TAFA2: variants seen among roughly 807,000 people sequenced by gnomAD.
TAFA2 encodes the protein TAFA chemokine like family member 2, also known as chemokine-like protein TAFA-2.
A neutral mutation model predicts 18.8 loss-of-function variants in TAFA2; 7 were observed. That is an observed-to-expected ratio of 0.37 (90% confidence interval 0.21 to 0.70). The LOEUF is 0.70. Ranked by LOEUF, TAFA2 falls within the 30% of genes least tolerant of loss-of-function variation. TAFA2 has a pLI of 0.53. For missense variants in TAFA2, 122 were observed against 158.1 expected (o/e 0.77, Z 1.23); for synonymous variants, 60 against 54.2 (o/e 1.11, Z -0.47).
chr12:62,165,110 C>A (rs147852152), intron 1 of TAFA2, among the ~76,000 whole-genome samples: 1 of 151,986 alleles, frequency 6.6e-6, no homozygotes, highest in Non-Finnish European at 1.5e-5. Context: ...ATACAGAGGG[C>A]GAGACTTCAC....
At chr12:62,143,377 A>T (rs956130575) in intron 1 of TAFA2, among the ~76,000 whole-genome samples, 7 of 152,246 alleles carry the variant, frequency 4.6e-5, no homozygotes, top group African/African-American at 1.7e-4. Flanking sequence ...GCCATGCCTG[A>T]TCTACAAAGT....
At chr12:61,878,293 T>C (rs1592454942) in intron 1 of TAFA2, among the ~76,000 whole-genome samples, 1 of 152,186 alleles carries the variant, frequency 6.6e-6, no homozygotes, top group South Asian at 2.1e-4. Context: ...ATGGCTACAA[T>C]GGTAAACTTT....
At chr12:62,041,282 G>A (rs1881750228) in intron 1 of TAFA2, among the ~76,000 whole-genome samples, 1 of 151,980 alleles carries the variant, frequency 6.6e-6, no homozygotes, top group South Asian at 2.1e-4. Flanking sequence ...AGATCAGAGA[G>A]CTTTGAAAAA....
chr12:61,715,474 G>A (rs923842909), intron 4 of TAFA2, among the ~76,000 whole-genome samples: 22 of 151,804 alleles, frequency 1.4e-4, no homozygotes, highest in East Asian at 3.9e-4. Context: ...TCAGCCTCCC[G>A]AGTAGCTGGG....
chr12:61,897,642 CT>C (rs1488069146), intron 1 of TAFA2, among the ~76,000 whole-genome samples: 1 of 152,152 alleles, frequency 6.6e-6, no homozygotes, highest in Non-Finnish European at 1.5e-5. Context: ...ATAGGGTAAA[CT>C]TTCCCCATGA....
chr12:61,941,612 G>A (rs1015397474), intron 1 of TAFA2, among the ~76,000 whole-genome samples: 7 of 151,688 alleles, frequency 4.6e-5, no homozygotes, highest in Non-Finnish European at 8.8e-5. Context: ...TGCGTGAGCC[G>A]AAGCAGGGCG....
At chr12:61,935,986 C>T (rs537760603) in intron 1 of TAFA2, among the ~76,000 whole-genome samples, 9 of 152,136 alleles carry the variant, frequency 5.9e-5, no homozygotes, top group African/African-American at 2.2e-4. Flanking sequence ...AAGAGAGAAT[C>T]CTCCCTAAAT....
rs57085801 is a variant in TAFA2, at chr12:61,729,033, AT to A, written c.385-18617del. Among the ~76,000 whole-genome samples the A allele has an allele frequency of 3.7e-4, 55 of 149,868 alleles. No individual in the cohort carries two copies. The South Asian group carries it at 4.8e-3, about 13-fold the overall frequency. On this transcript the variant is annotated intron_variant, in intron 4 of 4. Transcript: ENST00000416284. The stretch of plus-strand genomic sequence containing the variant: ...TCACTGAATACAAAATTCTTGGCTG[AT>A]TTTTTTTTTCATTTAAGAAGGCTAA...
intron 1 of TAFA2, among the ~76,000 whole-genome samples, chr12:62,168,075 CTG>C (rs1338312845): frequency 6.6e-6 from 1 of 152,068 alleles, no homozygotes; most frequent in Non-Finnish European, 1.5e-5. Flanking sequence ...TTGTGTGTGT[CTG>C]TGTGTGTGCA....
At chr12:62,028,189 T>A (rs1478799914) in intron 1 of TAFA2, among the ~76,000 whole-genome samples, 1 of 152,180 alleles carries the variant, frequency 6.6e-6, no homozygotes, top group African/African-American at 2.4e-5. Flanking sequence ...TCAAGGAATG[T>A]ATCCAAAGGC....
chr12:61,974,579 G>A (rs1339272862), intron 1 of TAFA2, among the ~76,000 whole-genome samples: 1 of 151,772 alleles, frequency 6.6e-6, no homozygotes, highest in Non-Finnish European at 1.5e-5. Context: ...AGTATAATTA[G>A]ATGTGCTGTC....
At chr12:61,835,102 C>A (rs946289344) in intron 2 of TAFA2, among the ~76,000 whole-genome samples, 10 of 149,872 alleles carry the variant, frequency 6.7e-5, no homozygotes, top group Admixed American at 3.4e-4. Context: ...GGGAAAAAAA[C>A]ATTTCGATTT....
chr12:61,948,977 T>C (rs953204214), intron 1 of TAFA2, among the ~76,000 whole-genome samples: 1 of 152,188 alleles, frequency 6.6e-6, no homozygotes, highest in Non-Finnish European at 1.5e-5. Context: ...TTTACCATCA[T>C]TTATTGCTTA....
chr12:62,100,369 C>T (rs1869142543), intron 1 of TAFA2, among the ~76,000 whole-genome samples: 1 of 152,044 alleles, frequency 6.6e-6, no homozygotes, highest in Admixed American at 6.6e-5. Flanking sequence ...CATTTACATC[C>T]CAAAGGACTG....
chr12:61,889,154 A>G (rs1231839229), intron 1 of TAFA2, among the ~76,000 whole-genome samples: 1 of 152,194 alleles, frequency 6.6e-6, no homozygotes, highest in South Asian at 2.1e-4. Context: ...GCTAACACAC[A>G]TGATGCACTT....
rs183206498 is a variant in TAFA2 at position 62,147,661 on chromosome 12, C to T, written c.-2+43598G>A. ...AGGAGAATGGGGTGAACCCGGGAGG[C>T]GGAGCTTGCAGTGAGCCAAGATCCC... On this transcript the variant is annotated intron_variant, in intron 1 of 4. Transcript: ENST00000416284. Among the ~76,000 whole-genome samples the T allele has an allele frequency of 1.5e-3, 201 of 137,628 alleles. 2 individuals are homozygous for T. The highest frequency in any genetic ancestry group is 4.5e-3 in the African/African-American group (165 of 36,766). The allele number at this position is 137,628 out of a possible 152,430, so 90.3% of individuals were successfully genotyped here. A position where few individuals can be genotyped will look rare whatever the true frequency, so the allele number is the denominator to read the frequency against.
chr12:62,084,621 C>T (rs936179278), intron 1 of TAFA2, among the ~76,000 whole-genome samples: 1 of 152,080 alleles, frequency 6.6e-6, no homozygotes, highest in African/African-American at 2.4e-5. Flanking sequence ...TGATTTTTTC[C>T]TTTCTAATTA....
At chr12:61,800,613 A>C (rs1485243672) in intron 2 of TAFA2, among the ~76,000 whole-genome samples, 7 of 152,184 alleles carry the variant, frequency 4.6e-5, no homozygotes, top group African/African-American at 1.4e-4. Flanking sequence ...ATTAGCAATA[A>C]TAGAGCTCAG....
At chr12:62,033,046 C>T (rs1045043931) in intron 1 of TAFA2, among the ~76,000 whole-genome samples, 4 of 152,128 alleles carry the variant, frequency 2.6e-5, no homozygotes, top group Non-Finnish European at 2.9e-5. Context: ...GAAACACGTA[C>T]ATGAACTGCC....
Sources: gnomAD v4.1 joint callset for allele counts (sites outside exome capture counted in the v4.1 genomes callset) on GRCh38, gnomAD v4.1.1 for gene constraint, MANE v1.5 for transcripts, NCBI Gene and HGNC (gene_info 2026-07-23, HGNC 2026-07-21) for gene names.